Variants in VDAC1 observed in about 807,000 individuals in gnomAD.
VDAC1 encodes the protein voltage dependent anion channel 1.
Under a neutral mutation model 34.7 loss-of-function variants are expected in VDAC1, and 10 were observed. That is an observed-to-expected ratio of 0.29 (90% confidence interval 0.18 to 0.49). The LOEUF is 0.49. VDAC1 is among the 20% of genes least tolerant of loss of function. The pLI is 0.99. For missense variants in VDAC1, 230 were observed against 347.9 expected (o/e 0.66, Z 2.69); for synonymous variants, 130 against 136.0 (o/e 0.96, Z 0.30).
the VDAC1 span, among the ~76,000 whole-genome samples, chr5:134,093,000 T>G: frequency 6.6e-6 from 1 of 152,228 alleles, no homozygotes; most frequent in Non-Finnish European, 1.5e-5. Flanking sequence ...TTCAAGCTAA[T>G]GCACAATCAT....
chr5:133,990,101 T>C (rs1753047802), intron 5 of VDAC1, among the ~76,000 whole-genome samples: 1 of 152,268 alleles, frequency 6.6e-6, no homozygotes, highest in African/African-American at 2.4e-5. Context: ...TAATTCCTTC[T>C]AGGCACTTTG....
chr5:134,064,623 C>T, the VDAC1 span, among the ~76,000 whole-genome samples: 1 of 151,860 alleles, frequency 6.6e-6, no homozygotes, highest in African/African-American at 2.4e-5. Context: ...TTTTAAGATA[C>T]TATGTTTTGG....
the VDAC1 span, among the ~76,000 whole-genome samples, chr5:134,060,132 T>G: frequency 6.6e-6 from 1 of 151,920 alleles, no homozygotes; most frequent in African/African-American, 2.4e-5. Flanking sequence ...GAGCACATGT[T>G]GGGCACAGTA....
At chr5:134,004,335 G>A (rs2127040108) in intron 1 of VDAC1, among the ~76,000 whole-genome samples, 1 of 152,012 alleles carries the variant, frequency 6.6e-6, no homozygotes, top group African/African-American at 2.4e-5. Context: ...CGGCCCGCCG[G>A]GCCTCCACGC....
the VDAC1 span, among the ~76,000 whole-genome samples, chr5:134,027,574 T>C: frequency 3.3e-5 from 5 of 151,916 alleles, no homozygotes; most frequent in Non-Finnish European, 7.4e-5. Flanking sequence ...ACAAAGAAGA[T>C]TGGAAAAGCC....
Position 133,973,825 on chromosome 5 carries a change from C to G in VDAC1, c.726G>C (p.Leu242=), listed in dbSNP as rs1041514238. 1.2e-6 allele frequency: 2 copies of G among 1,613,326 alleles called. No individual in the cohort carries two copies. The highest frequency in any genetic ancestry group is 1.7e-6 in the Non-Finnish European group (2 of 1,179,946). ...GAGTCTGAGTGTATCCTAAACCTAT[C>G]AGGCTGGAGTTGTTCACTTTAGCCT... is the stretch of plus-strand genomic sequence containing the variant. ...CFSAKVNNSS[L]IGLGYTQTLK... The change falls in exon 8 of 9, where the codon CTG becomes CTC. Residue 242 remains leucine (L), a synonymous_variant. Transcript: ENST00000265333.
At chr5:134,031,630 C>A in the VDAC1 span, among the ~76,000 whole-genome samples, 1 of 151,998 alleles carries the variant, frequency 6.6e-6, no homozygotes, top group Non-Finnish European at 1.5e-5. Flanking sequence ...AGTTCAAGAC[C>A]AGCCTCAAAA....
the VDAC1 span, among the ~76,000 whole-genome samples, chr5:134,070,964 A>C: frequency 2.0e-5 from 3 of 152,192 alleles, no homozygotes; most frequent in Non-Finnish European, 4.4e-5. Flanking sequence ...TTTCACAGGA[A>C]ACCGGTCCAA....
chr5:133,997,249 A>G (rs1294980428), intron 1 of VDAC1, among the ~76,000 whole-genome samples: 1 of 152,198 alleles, frequency 6.6e-6, no homozygotes, highest in East Asian at 1.9e-4. Context: ...GCCCCACTGT[A>G]GCAACCAAGG....
chr5:133,993,089 AT>A, intron 1 of VDAC1, 71 bp from the exon 2 acceptor site: 1 of 1,426,806 alleles, frequency 7.0e-7, no homozygotes, highest in Non-Finnish European at 9.6e-7. Context: ...AATAACAATT[AT>A]TAGATGTAAT....
At chr5:134,093,533 C>T in the VDAC1 span, among the ~76,000 whole-genome samples, 1 of 152,212 alleles carries the variant, frequency 6.6e-6, no homozygotes, top group Admixed American at 6.5e-5. Flanking sequence ...CAGAGAATCC[C>T]ATCTCTGGCC....
chr5:134,099,990 C>G, the VDAC1 span, among the ~76,000 whole-genome samples: 1 of 152,256 alleles, frequency 6.6e-6, no homozygotes, highest in Non-Finnish European at 1.5e-5. Flanking sequence ...TACAGCCTGG[C>G]CCCTTGGTTG....
the VDAC1 span, among the ~76,000 whole-genome samples, chr5:134,061,917 T>C: frequency 7.2e-5 from 11 of 151,786 alleles, no homozygotes; most frequent in African/African-American, 2.2e-4. Flanking sequence ...GTAGATACCC[T>C]TTCTCAGGTT....
At chr5:133,977,775 C>T (rs1752534830) in intron 6 of VDAC1, among the ~76,000 whole-genome samples, 1 of 152,142 alleles carries the variant, frequency 6.6e-6, no homozygotes, top group Admixed American at 6.6e-5. Flanking sequence ...GCTGCCACTG[C>T]GGAGCTGGGA....
the VDAC1 span, among the ~76,000 whole-genome samples, chr5:134,102,172 G>A: frequency 6.6e-6 from 1 of 152,060 alleles, no homozygotes; most frequent in Admixed American, 6.6e-5. Context: ...CACCAGGGGG[G>A]GTCTGTGAGC....
rs142925708 is a variant in VDAC1, at chr5:133,981,788, A to AT, written c.324-833dup. On this transcript the variant is annotated intron_variant, in intron 5 of 8. Transcript: ENST00000265333. Reference sequence around the variant, plus strand: ...ACATCCAACAAATACAACATGGATCATTTTTATCTGATTGTCTCTATCATT... The same window carrying AT: ...ACATCCAACAAATACAACATGGATCATTTTTTATCTGATTGTCTCTATCATT... Among the ~76,000 whole-genome samples the AT allele has an allele frequency of 1.6e-3, 245 of 152,296 alleles. 2 individuals are homozygous for AT. The East Asian group carries it at 0.043, about 27-fold the overall frequency.
the VDAC1 span, among the ~76,000 whole-genome samples, chr5:134,067,005 T>C: frequency 4.6e-5 from 7 of 152,166 alleles, no homozygotes; most frequent in East Asian, 7.7e-4. Flanking sequence ...CTAGTTTGTA[T>C]TTTTTGTTTA....
intron 1 of VDAC1, among the ~76,000 whole-genome samples, chr5:133,999,746 T>C (rs1271186583): frequency 1.3e-5 from 2 of 152,054 alleles, no homozygotes; most frequent in African/African-American, 4.8e-5. Flanking sequence ...GCAAATGATG[T>C]CTTCATTAAA....
At chr5:134,109,248 C>G in the VDAC1 span, among the ~76,000 whole-genome samples, 1 of 152,150 alleles carries the variant, frequency 6.6e-6, no homozygotes, top group Admixed American at 6.5e-5. Flanking sequence ...TCTTAAAAAG[C>G]GATATTGAAT....
Sources: gnomAD v4.1 joint callset for allele counts (sites outside exome capture counted in the v4.1 genomes callset) on GRCh38, gnomAD v4.1.1 for gene constraint, MANE v1.5 for transcripts, NCBI Gene and HGNC (gene_info 2026-07-23, HGNC 2026-07-21) for gene names.